UBXN2A: variants seen among roughly 807,000 people sequenced by gnomAD.
The protein encoded by UBXN2A is UBX domain-containing protein 2A.
A neutral mutation model predicts 28.4 loss-of-function variants in UBXN2A; 28 were observed. The ratio of observed to expected loss-of-function variants is 0.99; its 90% confidence interval spans 0.73 to 1.35. UBXN2A has a LOEUF of 1.35. Ranked by LOEUF, UBXN2A falls within the 40% of genes most tolerant of loss-of-function variation. The pLI is 0.00. For missense variants in UBXN2A, 253 were observed against 297.9 expected (o/e 0.85, Z 1.11); for synonymous variants, 97 against 103.6 (o/e 0.94, Z 0.39).
At chr2:23,928,585 A>AT (rs1183240744) in intron 1 of UBXN2A, among the ~76,000 whole-genome samples, 18 of 152,208 alleles carry the variant, frequency 1.2e-4, no homozygotes, top group Admixed American at 3.3e-4. Flanking sequence ...TCAAAAAAAA[A>AT]AAAATAAAAT....
chr2:23,974,522 AT>A (rs1707570412), intron 3 of UBXN2A, among the ~76,000 whole-genome samples: 1 of 149,150 alleles, frequency 6.7e-6, no homozygotes, highest in African/African-American at 2.5e-5. Context: ...ATTTTTTTGT[AT>A]TTTTAGTAGA....
intron 4 of UBXN2A, among the ~76,000 whole-genome samples, chr2:23,982,191 C>G (rs534454520): frequency 6.8e-6 from 1 of 147,854 alleles, no homozygotes; most frequent in Non-Finnish European, 1.5e-5. Flanking sequence ...AACTCCATCT[C>G]TACTAAAAAT....
chr2:23,985,761 C>A (rs1708101758), intron 6 of UBXN2A, among the ~76,000 whole-genome samples: 1 of 152,102 alleles, frequency 6.6e-6, no homozygotes, highest in Non-Finnish European at 1.5e-5. Flanking sequence ...TTTGAGGGGC[C>A]AAGGCAGGAG....
At chr2:23,935,315 A>G (rs1390300014) in intron 1 of UBXN2A, among the ~76,000 whole-genome samples, 1 of 152,204 alleles carries the variant, frequency 6.6e-6, no homozygotes, top group Non-Finnish European at 1.5e-5. Flanking sequence ...AAAGATTTGC[A>G]AATCACATAT....
intron 6 of UBXN2A, among the ~76,000 whole-genome samples, chr2:23,991,208 A>G (rs763948759): frequency 6.6e-6 from 1 of 152,052 alleles, no homozygotes; most frequent in Non-Finnish European, 1.5e-5. Context: ...TTTCTTATTT[A>G]CTTCTGTCAA....
At chr2:23,984,856 A>G (rs1573597003) in intron 6 of UBXN2A, 25 bp downstream of exon 6, 10 of 1,533,238 alleles carry the variant, frequency 6.5e-6, no homozygotes, top group Middle Eastern at 1.7e-4. Flanking sequence ...TCAGTATTTG[A>G]TATTTTTTCA....
intron 1 of UBXN2A, among the ~76,000 whole-genome samples, chr2:23,940,854 C>T (rs1705718468): frequency 6.9e-6 from 1 of 144,946 alleles, no homozygotes; most frequent in Admixed American, 7.2e-5. Context: ...CCGCCCAGCC[C>T]AGGTGAGCGG....
intron 1 of UBXN2A, among the ~76,000 whole-genome samples, chr2:23,957,746 A>C (rs1050837159): frequency 6.6e-5 from 10 of 152,150 alleles, no homozygotes; most frequent in African/African-American, 2.2e-4. Context: ...AGGCAGGAGA[A>C]TCTCTGGAAC....
chr2:23,927,431 C>T, exon 1 of UBXN2A: 1 of 153,772 alleles, frequency 6.5e-6, no homozygotes, highest in Non-Finnish European at 1.4e-5. Context: ...CTGGATGGAG[C>T]AGGGGACGGC....
Position 23,940,511 on chromosome 2 carries a change from C to G in UBXN2A, c.-152C>G, listed in dbSNP as rs1705695488. On this transcript the variant is annotated 5_prime_UTR_variant, in exon 1 of 7. Transcript: ENST00000309033. ...AGAGAGGCTGGCGGGATCTCAGCGG[C>G]GCGGCCGCGGAACCTGAGGCGGTCT... 1 of 151,260 alleles carries G rather than the reference C, an allele frequency of 6.6e-6. No individual in the cohort carries two copies. The highest frequency in any genetic ancestry group is 1.5e-5 in the Non-Finnish European group (1 of 67,808). 9.4% of individuals were successfully genotyped at this position (151,260 alleles called of 1,614,324 possible).
chr2:23,972,009 G>T (rs963363464), intron 3 of UBXN2A, among the ~76,000 whole-genome samples: 22 of 152,180 alleles, frequency 1.4e-4, no homozygotes, highest in African/African-American at 5.1e-4. Flanking sequence ...TGAGTTGGGA[G>T]GATTGCTTGA....
intron 1 of UBXN2A, among the ~76,000 whole-genome samples, chr2:23,952,950 T>G (rs565175444): frequency 7.4e-6 from 1 of 135,602 alleles, no homozygotes; most frequent in African/African-American, 2.8e-5. Flanking sequence ...CCAAATGTCA[T>G]ATGAAGCTCT....
In UBXN2A at chr2:23,999,890, A is replaced by G; in HGVS notation, c.*23A>G. 1 of 1,604,056 alleles carries G rather than the reference A, an allele frequency of 6.2e-7. No individual in the cohort carries two copies. Among genetic ancestry groups the G allele is most frequent in the Non-Finnish European group, 8.5e-7 (1 of 1,174,884 alleles). Reference sequence around the variant, plus strand: ...TGATTTTTGATAGACTAAGTGGAAAATTTGCAGAGAAATGATGGTTGTAAG... The same window carrying G: ...TGATTTTTGATAGACTAAGTGGAAAGTTTGCAGAGAAATGATGGTTGTAAG... On this transcript the variant is annotated 3_prime_UTR_variant, in exon 7 of 7. Transcript: ENST00000309033.
chr2:23,948,939 T>C, intron 1 of UBXN2A, among the ~76,000 whole-genome samples: 1 of 149,606 alleles, frequency 6.7e-6, no homozygotes. Flanking sequence ...AAGACTTCTC[T>C]TGTAGCTTTT....
chr2:23,937,180 T>C (rs925706080), upstream of UBXN2A, among the ~76,000 whole-genome samples: 4 of 152,118 alleles, frequency 2.6e-5, no homozygotes, highest in Non-Finnish European at 4.4e-5. Context: ...TATTCAACAT[T>C]GTACTGGAAG....
intron 3 of UBXN2A, among the ~76,000 whole-genome samples, chr2:23,974,752 TGAA>T (rs1707584814): frequency 6.6e-6 from 1 of 152,048 alleles, no homozygotes; most frequent in East Asian, 1.9e-4. Context: ...CCAAGGTGGG[TGAA>T]TCACTTGAGG....
At chr2:23,965,069 T>TG (rs1707106908) in intron 2 of UBXN2A, among the ~76,000 whole-genome samples, 1 of 151,964 alleles carries the variant, frequency 6.6e-6, no homozygotes, top group South Asian at 2.1e-4. Flanking sequence ...TTTATAGAGA[T>TG]GGGGTCTCCC....
rs1008052662 is a variant in UBXN2A, at chr2:24,002,042, C to T, written c.*2175C>T. The stretch of plus-strand genomic sequence containing the variant: ...CTGTAATCCTAGCACTTTGGGAGGC[C>T]AAGACAGGTGGATCACTTGAGCCCA... On this transcript the variant is annotated 3_prime_UTR_variant, in exon 7 of 7. Transcript: ENST00000309033. 1 of 152,018 alleles carries T rather than the reference C, an allele frequency of 6.6e-6. No individual in the cohort carries two copies. The highest frequency in any genetic ancestry group is 1.5e-5 in the Non-Finnish European group (1 of 68,020). The allele number at this position is 152,018 out of a possible 1,614,324, so 9.4% of individuals were successfully genotyped here. A position where few individuals can be genotyped will look rare whatever the true frequency, so the allele number is the denominator to read the frequency against.
At position 23,940,557 on chromosome 2, in the gene UBXN2A, C is replaced by G. The variant is rs1422383403; in HGVS notation, c.-106C>G. 1 of 151,344 alleles carries G rather than the reference C, an allele frequency of 6.6e-6. No individual in the cohort carries two copies. Among genetic ancestry groups the G allele is most frequent in the Non-Finnish European group, 1.5e-5 (1 of 67,846 alleles). The allele number at this position is 151,344 out of a possible 1,614,324, so 9.4% of individuals were successfully genotyped here. A position where few individuals can be genotyped will look rare whatever the true frequency, so the allele number is the denominator to read the frequency against. On this transcript the variant is annotated 5_prime_UTR_variant, in exon 1 of 7. Coordinates refer to ENST00000309033, the MANE Select transcript of UBXN2A (RefSeq NM_181713.4). ...GGTCTGGGGCGGCGGCGCTCCGGCT[C>G]TGAAGGGCTCCAGCCAAACGGAGCC...
Sources: gnomAD v4.1 joint callset for allele counts (sites outside exome capture counted in the v4.1 genomes callset) on GRCh38, gnomAD v4.1.1 for gene constraint, MANE v1.5 for transcripts, NCBI Gene and HGNC (gene_info 2026-07-23, HGNC 2026-07-21) for gene names.